SLC14A2: variants seen among roughly 807,000 people sequenced by gnomAD.
SLC14A2 encodes urea transporter 2.
A neutral mutation model predicts 104.6 loss-of-function variants in SLC14A2; 91 were observed. That is an observed-to-expected ratio of 0.87 (90% CI 0.73 to 1.04). The LOEUF is 1.04. Among genes scored for constraint, SLC14A2 ranks in the 50% least tolerant of loss-of-function variants. SLC14A2 has a pLI of 0.00. For synonymous variants in SLC14A2, 476 were observed against 466.4 expected, an observed-to-expected ratio of 1.02 and a Z score of -0.27; for missense variants, 1,189 against 1,156.0, an observed-to-expected ratio of 1.03 and a Z score of -0.41.
chr18:45,177,803 A>G, the SLC14A2 span, among the ~76,000 whole-genome samples: 1 of 152,212 alleles, frequency 6.6e-6, no homozygotes, highest in African/African-American at 2.4e-5. Context: ...TAGACATGCA[A>G]TTCATAGTTA....
At chr18:45,430,111 T>G (rs550069832) in intron 1 of SLC14A2, among the ~76,000 whole-genome samples, 4 of 152,328 alleles carry the variant, frequency 2.6e-5, no homozygotes, top group African/African-American at 9.6e-5. Flanking sequence ...CTTCAAATGT[T>G]TAATCAATTC....
chr18:45,343,409 C>T (rs1445747523), intron 1 of SLC14A2, among the ~76,000 whole-genome samples: 1 of 151,968 alleles, frequency 6.6e-6, no homozygotes. Context: ...TTGAATGCTC[C>T]CATGACAGTC....
chr18:45,663,852 C>T lies in SLC14A2; in HGVS notation c.1419C>T (p.Ser473=). The T allele has an allele frequency of 6.2e-7, 1 of 1,613,080 alleles. No individual in the cohort carries two copies. The highest frequency in any genetic ancestry group is 8.5e-7 in the Non-Finnish European group (1 of 1,179,548). ...AGGAGGGCTCGGAGGCTGTGCTCTC[C>T]AAGCACAGGAGTGTATTTCACATCG... ...KVEEGSEAVL[S]KHRSVFHIEW... The change falls in exon 11 of 20, where the codon TCC becomes TCT. Residue 473 remains serine (S), a synonymous_variant. Coordinates refer to ENST00000255226, the MANE Select transcript of SLC14A2 (RefSeq NM_007163.4).
At chr18:45,345,345 T>A (rs2085437282) in intron 1 of SLC14A2, among the ~76,000 whole-genome samples, 1 of 152,218 alleles carries the variant, frequency 6.6e-6, no homozygotes, top group Non-Finnish European at 1.5e-5. Context: ...CTCTGATAGG[T>A]GCCAGAGAGA....
intron 1 of SLC14A2, among the ~76,000 whole-genome samples, chr18:45,364,420 A>G (rs1049555799): frequency 5.9e-5 from 9 of 152,304 alleles, no homozygotes; most frequent in African/African-American, 2.2e-4. Flanking sequence ...TCTCTTGATC[A>G]CTGTGAGAGT....
intron 2 of SLC14A2, among the ~76,000 whole-genome samples, chr18:45,485,860 C>CTA (rs2087594292): frequency 6.6e-6 from 1 of 152,108 alleles, no homozygotes; most frequent in Admixed American, 6.6e-5. Context: ...GAGCAATGAG[C>CTA]TATAGTCAAC....
chr18:45,559,926 G>A (rs1389750997), intron 2 of SLC14A2, among the ~76,000 whole-genome samples: 4 of 152,192 alleles, frequency 2.6e-5, no homozygotes, highest in African/African-American at 9.7e-5. Context: ...TTTGACCCAA[G>A]GTGTCTGGCC....
intron 1 of SLC14A2, among the ~76,000 whole-genome samples, chr18:45,220,751 G>T (rs1599583682): frequency 6.6e-6 from 1 of 152,176 alleles, no homozygotes; most frequent in African/African-American, 2.4e-5. Context: ...TGCTAGAGCT[G>T]CCATAACAAA....
intron 1 of SLC14A2, among the ~76,000 whole-genome samples, chr18:45,240,121 G>T (rs1009177190): frequency 9.5e-6 from 1 of 105,816 alleles, no homozygotes. Flanking sequence ...TTTTTTGACC[G>T]AGTCTCACTC....
chr18:45,505,032 A>G (rs1268626520), intron 2 of SLC14A2, among the ~76,000 whole-genome samples: 3 of 152,162 alleles, frequency 2.0e-5, no homozygotes, highest in Non-Finnish European at 4.4e-5. Context: ...CAGTTACCCA[A>G]TGGGGCTAGA....
chr18:45,555,169 T>C (rs1465163234), intron 2 of SLC14A2, among the ~76,000 whole-genome samples: 3 of 152,182 alleles, frequency 2.0e-5, no homozygotes, highest in African/African-American at 7.2e-5. Flanking sequence ...AGGAGACCAG[T>C]GATTCTCAGT....
At chr18:45,643,911 C>T in intron 9 of SLC14A2, 75 bp from the exon 10 acceptor site, 1 of 1,318,540 alleles carries the variant, frequency 7.6e-7, no homozygotes, top group Non-Finnish European at 1.1e-6. Context: ...CCTGTCACAT[C>T]CTTCTCCCCC....
At chr18:45,513,366 G>A (rs1383285144) in intron 2 of SLC14A2, among the ~76,000 whole-genome samples, 1 of 152,202 alleles carries the variant, frequency 6.6e-6, no homozygotes, top group Non-Finnish European at 1.5e-5. Flanking sequence ...CGCCCAATAT[G>A]TGATAAAGAA....
intron 1 of SLC14A2, among the ~76,000 whole-genome samples, chr18:45,449,746 A>G (rs1404970624): frequency 2.6e-5 from 4 of 152,222 alleles, no homozygotes; most frequent in Admixed American, 2.6e-4. Context: ...ATTCAGGAAA[A>G]CAAACCCCAA....
At chr18:45,418,835 C>T (rs1312055351) in intron 1 of SLC14A2, among the ~76,000 whole-genome samples, 1 of 152,052 alleles carries the variant, frequency 6.6e-6, no homozygotes, top group East Asian at 1.9e-4. Flanking sequence ...CTCTTATTTT[C>T]CTTCTGAGGA....
At chr18:45,315,789 C>T (rs1211512142) in intron 1 of SLC14A2, among the ~76,000 whole-genome samples, 1 of 152,160 alleles carries the variant, frequency 6.6e-6, no homozygotes, top group Non-Finnish European at 1.5e-5. Flanking sequence ...TCCTGAAGTT[C>T]ATTTGTAGCT....
rs145581303 is a variant in SLC14A2, at chr18:45,656,558, T to C, written c.1352-7227T>C. Among the ~76,000 whole-genome samples, 309 of 152,290 alleles carry C rather than the reference T, an allele frequency of 2.0e-3. 3 individuals carry two copies. The East Asian group carries it at 0.028, about 14-fold the overall frequency. Reference sequence around the variant, plus strand: ...GAAAGATCAAAATTAGGAAGACTGATGATACAGACATGCAATTCTGAGGGT... The same window carrying C: ...GAAAGATCAAAATTAGGAAGACTGACGATACAGACATGCAATTCTGAGGGT... On this transcript the variant is annotated intron_variant, in intron 10 of 19. Transcript: ENST00000255226.
chr18:45,495,620 T>C (rs1380131236), intron 2 of SLC14A2, among the ~76,000 whole-genome samples: 3 of 152,234 alleles, frequency 2.0e-5, no homozygotes, highest in African/African-American at 7.2e-5. Flanking sequence ...CTTGCCTTCT[T>C]ACTGAAGCAA....
the SLC14A2 span, among the ~76,000 whole-genome samples, chr18:45,205,373 C>A: frequency 6.6e-6 from 1 of 152,172 alleles, no homozygotes; most frequent in Non-Finnish European, 1.5e-5. Flanking sequence ...AGTTACCTGA[C>A]AGAGGATCTT....
Sources: allele counts gnomAD v4.1 joint callset (sites outside exome capture counted in the v4.1 genomes callset), GRCh38; gene constraint gnomAD v4.1.1; transcripts MANE v1.5; gene names NCBI Gene and HGNC (gene_info 2026-07-23, HGNC 2026-07-21).